The following PTPRJ variants were observed in gnomAD, a reference collection of about 807,000 sequenced individuals.
PTPRJ encodes the protein receptor-type tyrosine-protein phosphatase eta.
Under a neutral mutation model 141.3 loss-of-function variants are expected in PTPRJ, and 129 were observed. The ratio of observed to expected loss-of-function variants is 0.91; its 90% CI spans 0.79 to 1.06. The LOEUF (loss-of-function observed/expected upper bound fraction) is 1.06. PTPRJ is among the 50% of genes least tolerant of loss of function. PTPRJ has a pLI of 0.00. For synonymous variants in PTPRJ, 610 were observed against 640.5 expected, an observed-to-expected ratio of 0.95 and a Z score of 0.72; for missense variants, 1,601 against 1,679.7, an observed-to-expected ratio of 0.95 and a Z score of 0.82.
At chr11:48,104,296 C>T (rs1856233009) in intron 1 of PTPRJ, among the ~76,000 whole-genome samples, 1 of 152,122 alleles carries the variant, frequency 6.6e-6, no homozygotes, top group Admixed American at 6.5e-5. Flanking sequence ...TAATGATTTA[C>T]CTTAGAGGAG....
At chr11:48,097,161 C>G (rs965760322) in intron 1 of PTPRJ, among the ~76,000 whole-genome samples, 18 of 152,150 alleles carry the variant, frequency 1.2e-4, no homozygotes, top group African/African-American at 4.3e-4. Flanking sequence ...CGTGGACCCA[C>G]TGAGGAAGGC....
At position 48,016,585 on chromosome 11, in the gene PTPRJ, T is replaced by C. The variant is rs1854954267; in HGVS notation, c.96+35577T>C. Among the ~76,000 whole-genome samples the C allele has an allele frequency of 2.0e-5, 3 of 152,154 alleles. No homozygotes were observed. The South Asian group carries it at 6.2e-4, about 32-fold the overall frequency. On this transcript the variant is annotated intron_variant, in intron 1 of 24. Coordinates refer to ENST00000418331, the MANE Select transcript of PTPRJ (RefSeq NM_002843.4). The stretch of plus-strand genomic sequence containing the variant: ...TGAGTCCTGGCCACTACTATGTGCA[T>C]ATGGGGAAGTCACTTTTCTGAGCCT...
chr11:48,011,537 G>T (rs1430273978), intron 1 of PTPRJ, among the ~76,000 whole-genome samples: 1 of 152,218 alleles, frequency 6.6e-6, no homozygotes, highest in African/African-American at 2.4e-5. Flanking sequence ...TAATAAGGCA[G>T]TAGAGAGTTG....
intron 3 of PTPRJ, among the ~76,000 whole-genome samples, chr11:48,117,786 T>G (rs763503407): frequency 5.4e-5 from 8 of 149,428 alleles, no homozygotes; most frequent in African/African-American, 7.7e-5. Context: ...ATCAATAAAC[T>G]AAGTTGTTTT....
chr11:48,135,727 C>T (rs1357916677), intron 8 of PTPRJ, among the ~76,000 whole-genome samples: 2 of 152,188 alleles, frequency 1.3e-5, no homozygotes, highest in African/African-American at 4.8e-5. Flanking sequence ...AGTGATCCAT[C>T]TCGGCTTCCC....
In PTPRJ at chr11:48,024,188, A is replaced by AT. The variant is rs544798923; in HGVS notation, c.96+43188dup. On this transcript the variant is annotated intron_variant, in intron 1 of 24. Coordinates refer to ENST00000418331, the MANE Select transcript of PTPRJ (RefSeq NM_002843.4). ...CATTGAAGACAGGCACCACACTTAC[A>AT]TTTTTTTTCTTTCTTTCTTTTTGTT... 2.2e-4 allele frequency among the ~76,000 whole-genome samples: 33 copies of AT among 150,934 alleles called. No homozygotes were observed. In the East Asian group the frequency reaches 6.4e-3, roughly 29 times the overall value.
intron 1 of PTPRJ, among the ~76,000 whole-genome samples, chr11:48,028,034 T>C (rs1353326163): frequency 6.6e-6 from 1 of 151,958 alleles, no homozygotes; most frequent in African/African-American, 2.4e-5. Context: ...AGGCATCCAG[T>C]GTTAATAGTA....
intron 1 of PTPRJ, among the ~76,000 whole-genome samples, chr11:48,018,879 A>G (rs1169507978): frequency 6.6e-6 from 1 of 152,084 alleles, no homozygotes; most frequent in African/African-American, 2.4e-5. Context: ...AGGGTTAGAT[A>G]CCTGGGAGGA....
At chr11:48,094,169 C>T (rs1426931021) in intron 1 of PTPRJ, among the ~76,000 whole-genome samples, 2 of 152,206 alleles carry the variant, frequency 1.3e-5, no homozygotes, top group Non-Finnish European at 2.9e-5. Flanking sequence ...AGCCACAGTG[C>T]AAGTAGGGAA....
intron 1 of PTPRJ, among the ~76,000 whole-genome samples, chr11:48,093,592 A>T (rs1373290290): frequency 6.6e-6 from 1 of 152,156 alleles, no homozygotes; most frequent in African/African-American, 2.4e-5. Context: ...GAAACCCGGA[A>T]ATGAAGGAAA....
At chr11:48,022,993 T>C (rs1853694673) in intron 1 of PTPRJ, among the ~76,000 whole-genome samples, 1 of 151,814 alleles carries the variant, frequency 6.6e-6, no homozygotes, top group African/African-American at 2.4e-5. Flanking sequence ...CAATATAGGG[T>C]GGGATAGGGC....
chr11:48,156,083 C>A lies in PTPRJ; in HGVS notation c.3402C>A (p.Ala1134=). ...TGGTTTGGGAGAAAAATGTATATGC[C>A]ATCATTATGTTGACTAAATGTGTTG... ...WRMVWEKNVY[A]IIMLTKCVEQ... Residue 1134 remains alanine (A), a synonymous_variant, in exon 21 of 25, where the codon GCC becomes GCA. Coordinates refer to ENST00000418331, the MANE Select transcript of PTPRJ (RefSeq NM_002843.4). The A allele has an allele frequency of 6.3e-7, 1 of 1,598,456 alleles. No homozygotes were observed.
chr11:48,041,911 C>T (rs1854280438), intron 1 of PTPRJ, among the ~76,000 whole-genome samples: 1 of 142,478 alleles, frequency 7.0e-6, no homozygotes, highest in Admixed American at 7.8e-5. Flanking sequence ...CCGCACCCAG[C>T]CTGACAATTT....
chr11:48,147,316 G>A (rs1229863482), intron 15 of PTPRJ, among the ~76,000 whole-genome samples: 1 of 152,210 alleles, frequency 6.6e-6, no homozygotes, highest in African/African-American at 2.4e-5. Flanking sequence ...AGCTGTTTAG[G>A]AAGCTTAGCC....
intron 1 of PTPRJ, among the ~76,000 whole-genome samples, chr11:47,993,055 CTA>C (rs1854238172): frequency 6.6e-6 from 1 of 152,120 alleles, no homozygotes; most frequent in African/African-American, 2.4e-5. Context: ...GTCAGTGTCT[CTA>C]TGTGTAGCTG....
intron 1 of PTPRJ, among the ~76,000 whole-genome samples, chr11:48,053,231 ATATATAATATATT>A (rs1277966422): frequency 1.1e-5 from 1 of 87,700 alleles, no homozygotes; most frequent in Non-Finnish European, 2.0e-5. Context: ...TAAATATATT[ATATATAATATATT>A]TATATAATAT....
At chr11:47,985,526 A>G (rs895294313) in intron 1 of PTPRJ, among the ~76,000 whole-genome samples, 2 of 152,196 alleles carry the variant, frequency 1.3e-5, no homozygotes, top group Non-Finnish European at 2.9e-5. Context: ...GAAATAAAAA[A>G]AAAGAAAAAT....
chr11:48,024,640 G>A (rs1187027390), intron 1 of PTPRJ, among the ~76,000 whole-genome samples: 1 of 152,256 alleles, frequency 6.6e-6, no homozygotes, highest in South Asian at 2.1e-4. Flanking sequence ...GTCAGGCACT[G>A]TACATCAGCC....
At chr11:48,135,897 A>G in intron 8 of PTPRJ, 142 bp from the exon 9 acceptor site, 1 of 913,722 alleles carries the variant, frequency 1.1e-6, no homozygotes, top group Non-Finnish European at 1.7e-6. Flanking sequence ...TGCATTTCTC[A>G]GCTCGATTTT....
Sources: allele counts gnomAD v4.1 joint callset (sites outside exome capture counted in the v4.1 genomes callset), GRCh38; gene constraint gnomAD v4.1.1; transcripts MANE v1.5; gene names NCBI Gene and HGNC (gene_info 2026-07-23, HGNC 2026-07-21).